The following LINC00305 variants were observed in gnomAD, a reference collection of about 807,000 sequenced individuals.
LINC00305 encodes long intergenic non-protein coding RNA 305.
At chr18:64,123,000 G>T (rs898713461) in intron 1 of LINC00305, among the ~76,000 whole-genome samples, 2 of 151,930 alleles carry the variant, frequency 1.3e-5, no homozygotes, top group Admixed American at 1.3e-4. Context: ...ATTGTAATTG[G>T]TATATAGAAT....
chr18:64,085,253 A>ATTCCTT (rs1337485869), intron 3 of LINC00305, among the ~76,000 whole-genome samples: 7 of 152,046 alleles, frequency 4.6e-5, no homozygotes, highest in African/African-American at 1.7e-4. Flanking sequence ...TCCTATTCCT[A>ATTCCTT]TTCCTATTCT....
intron 1 of LINC00305, among the ~76,000 whole-genome samples, chr18:64,143,572 A>ATAT (rs1491215434): frequency 0.26 from 2,959 of 11,302 alleles, 215 homozygotes; most frequent in East Asian, 0.51. Context: ...ATATATACAC[A>ATAT]TATGTATATG....
intron 1 of LINC00305, among the ~76,000 whole-genome samples, chr18:64,118,582 G>A (rs1358387935): frequency 1.3e-5 from 2 of 152,056 alleles, no homozygotes; most frequent in East Asian, 1.9e-4. Flanking sequence ...CTGTGTTTGC[G>A]GTGGGATAAA....
chr18:64,112,594 T>A (rs935239175), intron 1 of LINC00305, among the ~76,000 whole-genome samples: 4 of 152,220 alleles, frequency 2.6e-5, no homozygotes, highest in Non-Finnish European at 5.9e-5. Flanking sequence ...ATAAGCAAGA[T>A]TCTATACTTA....
At chr18:64,093,986 G>A (rs1487564139) in intron 3 of LINC00305, among the ~76,000 whole-genome samples, 1 of 152,192 alleles carries the variant, frequency 6.6e-6, no homozygotes, top group Non-Finnish European at 1.5e-5. Flanking sequence ...GCGAAAAAAA[G>A]GGAAATAGTT....
At chr18:64,131,273 A>G (rs1202410970) in intron 1 of LINC00305, among the ~76,000 whole-genome samples, 1 of 152,222 alleles carries the variant, frequency 6.6e-6, no homozygotes, top group Non-Finnish European at 1.5e-5. Context: ...AAAATGCGGT[A>G]TTCATTTCTT....
chr18:64,140,270 G>A (rs2144277542), intron 1 of LINC00305, among the ~76,000 whole-genome samples: 1 of 152,084 alleles, frequency 6.6e-6, no homozygotes, highest in East Asian at 1.9e-4. Context: ...GTGCAGTAGT[G>A]TGATGTCAGC....
At chr18:64,091,332 G>A (rs2051224198) in intron 3 of LINC00305, among the ~76,000 whole-genome samples, 1 of 152,224 alleles carries the variant, frequency 6.6e-6, no homozygotes, top group Admixed American at 6.5e-5. Flanking sequence ...TGCTCATGGA[G>A]CATTGCCCAC....
At chr18:64,115,002 C>G (rs1376522683) in intron 1 of LINC00305, among the ~76,000 whole-genome samples, 1 of 152,184 alleles carries the variant, frequency 6.6e-6, no homozygotes, top group African/African-American at 2.4e-5. Context: ...CTCCTCCATG[C>G]AGGGCTGGGG....
intron 3 of LINC00305, among the ~76,000 whole-genome samples, chr18:64,095,418 A>G (rs909446426): frequency 6.6e-6 from 1 of 151,932 alleles, no homozygotes; most frequent in Non-Finnish European, 1.5e-5. Context: ...TTTGGGCAAT[A>G]CCTGCTTTAT....
rs145578260 is a variant in LINC00305, at chr18:64,112,812, C to T, written n.315-14172G>A. ...TGACTTTTGGTTTTTCATTTGGGCA[C>T]ATTATTCCCCCTACTGAGATGCCAG... On this transcript the variant is annotated intron_variant and non_coding_transcript_variant, in intron 1 of 3. Transcript: ENST00000666468. Among the ~76,000 whole-genome samples the T allele has an allele frequency of 2.3e-3, 345 of 152,270 alleles. 1 individual carries two copies. The highest frequency in any genetic ancestry group is 4.2e-3 in the Non-Finnish European group (285 of 68,018).
chr18:64,138,556 TCTGA>T (rs1210863072), intron 1 of LINC00305, among the ~76,000 whole-genome samples: 1 of 152,210 alleles, frequency 6.6e-6, no homozygotes, highest in Admixed American at 6.5e-5. Context: ...TCCATAACAA[TCTGA>T]CTGTTGGTTT....
intron 3 of LINC00305, among the ~76,000 whole-genome samples, chr18:64,090,440 G>C (rs1029592972): frequency 3.3e-5 from 5 of 152,290 alleles, no homozygotes; most frequent in Non-Finnish European, 2.9e-5. Flanking sequence ...CCAGAAAAGA[G>C]TTTCTGTAAT....
chr18:64,120,611 T>A (rs1023066857), intron 1 of LINC00305, among the ~76,000 whole-genome samples: 9 of 152,100 alleles, frequency 5.9e-5, no homozygotes, highest in African/African-American at 2.2e-4. Flanking sequence ...GAGAGCCAGT[T>A]TATTGGTCTG....
At chr18:64,107,271 G>C (rs185063896) in intron 1 of LINC00305, among the ~76,000 whole-genome samples, 79 of 152,328 alleles carry the variant, frequency 5.2e-4, no homozygotes, top group African/African-American at 1.9e-3. Context: ...AAACAGACAA[G>C]TAATAGAATG....
intron 1 of LINC00305, among the ~76,000 whole-genome samples, chr18:64,135,872 C>T (rs2051431054): frequency 6.6e-6 from 1 of 152,188 alleles, no homozygotes; most frequent in African/African-American, 2.4e-5. Context: ...AGCCACTGTG[C>T]CTGGCCTATT....
chr18:64,139,383 A>T (rs934501349), intron 1 of LINC00305: 1 of 152,226 alleles, frequency 6.6e-6, no homozygotes, highest in African/African-American at 2.4e-5. Context: ...GTATAGCCTG[A>T]TAAAATCCCT....
intron 1 of LINC00305, among the ~76,000 whole-genome samples, chr18:64,106,236 T>G (rs2051290137): frequency 6.6e-6 from 1 of 152,212 alleles, no homozygotes; most frequent in Non-Finnish European, 1.5e-5. Context: ...GCTTAGCCTC[T>G]GAATCCCCTT....
At chr18:64,118,906 C>T (rs1242250373) in intron 1 of LINC00305, among the ~76,000 whole-genome samples, 1 of 150,596 alleles carries the variant, frequency 6.6e-6, no homozygotes, top group Non-Finnish European at 1.5e-5. Flanking sequence ...ACACTTCATA[C>T]AAAGTAGGGT....
Sources: gnomAD v4.1 joint callset for allele counts (sites outside exome capture counted in the v4.1 genomes callset) on GRCh38, gnomAD v4.1.1 for gene constraint, MANE v1.5 for transcripts, NCBI Gene and HGNC (gene_info 2026-07-23, HGNC 2026-07-21) for gene names.